Variants in PLEKHH3 observed in about 807,000 individuals in gnomAD.
PLEKHH3 encodes the protein pleckstrin homology domain-containing family H member 3.
A neutral mutation model predicts 77.8 loss-of-function variants in PLEKHH3; 57 were observed. The observed-to-expected ratio is 0.73, with a 90% CI of 0.59 to 0.91. The LOEUF (loss-of-function observed/expected upper bound fraction) is 0.91. Among genes scored for constraint, PLEKHH3 ranks in the 40% least tolerant of loss-of-function variants. PLEKHH3 has a pLI of 0.00. For missense variants in PLEKHH3, 1,082 were observed against 1,091.2 expected (o/e 0.99, Z 0.12); for synonymous variants, 467 against 504.8 (o/e 0.93, Z 1.00).
intron 9 of PLEKHH3, 42 bp downstream of exon 9, chr17:42,670,952 T>C: frequency 6.3e-7 from 1 of 1,590,246 alleles, no homozygotes; most frequent in Non-Finnish European, 8.6e-7. Context: ...AGCTGAGAAG[T>C]GGATGGGCTA....
rs1287786827 is a variant in PLEKHH3 at position 42,676,640 on chromosome 17, C to A, written c.-77G>T. 1.4e-6 allele frequency: 2 copies of A among 1,393,402 alleles called. No individual in the cohort carries two copies. The highest frequency in any genetic ancestry group is 9.8e-7 in the Non-Finnish European group (1 of 1,017,902). 86.3% of individuals were successfully genotyped at this position (1,393,402 alleles called of 1,614,324 possible). On this transcript the variant is annotated 5_prime_UTR_variant, in exon 1 of 13. Transcript: ENST00000591022. The surrounding 1 kb of genome is among the most constrained non-coding windows in gnomAD (Gnocchi z 6.6). ...GGGGTCGGAGGAACTGGCGGGGCTC[C>A]GACCCGAGCAGGGGAAAGATGAGGT...
In PLEKHH3 at chr17:42,670,976, C is replaced by A; in HGVS notation, c.1421+18G>T. 6.2e-7 allele frequency: 1 copy of A among 1,606,428 alleles called. No individual in the cohort carries two copies. The highest frequency in any genetic ancestry group is 8.5e-7 in the Non-Finnish European group (1 of 1,177,912). ...GTGGATGGGCTAATAGAGAGCAGGG[C>A]TGGGGCTGGACATTTACTTCTCAAA... is the stretch of plus-strand genomic sequence containing the variant. On this transcript the variant is annotated intron_variant, in intron 9 of 12. Transcript: ENST00000591022.
At chr17:42,674,492 C>A in intron 1 of PLEKHH3, 83 bp from the exon 2 acceptor site, 3 of 1,232,836 alleles carry the variant, frequency 2.4e-6, no homozygotes, top group South Asian at 3.3e-5. Flanking sequence ...GACAGGGCTG[C>A]TCAGGGGATT....
chr17:42,670,843 T>C (rs2052683382), intron 9 of PLEKHH3, 138 bp from the exon 10 acceptor site: 2 of 1,520,858 alleles, frequency 1.3e-6, no homozygotes, highest in East Asian at 2.3e-5. Context: ...GCAGTCGGAC[T>C]GCAAACCTGC....
In PLEKHH3 at chr17:42,671,739, G is replaced by A. The variant is rs1466449645; in HGVS notation, c.1077-181C>T. Among the ~76,000 whole-genome samples the A allele has an allele frequency of 6.6e-6, 1 of 152,126 alleles. No individual in the cohort carries two copies. The highest frequency in any genetic ancestry group is 1.5e-5 in the Non-Finnish European group (1 of 68,024). On this transcript the variant is annotated intron_variant, in intron 7 of 12. Transcript: ENST00000591022. The surrounding 1 kb of genome is among the most constrained non-coding windows in gnomAD (Gnocchi z 4.7). ...TGCATAGAGCTGAATTACTTTTCAA[G>A]TCCCCTGGCAGCTTTCTCCCAACTG... is the stretch of plus-strand genomic sequence containing the variant.
In PLEKHH3 at chr17:42,673,731, G is replaced by C. The variant is rs758578089; in HGVS notation, c.402C>G (p.Ser134Arg). Residue 134 changes from serine to arginine, a missense_variant, in exon 4 of 13, where the codon AGC becomes AGG. By Grantham distance (110) the Ser-to-Arg change is moderately radical. Transcript: ENST00000591022. ...LTRDSLDQFSSSGKGARRLGS... is the reference protein window; with the variant it reads ...LTRDSLDQFSRSGKGARRLGS... ...CGAGACGCCGCGCCCCTTTCCCGCT[G>C]CTGCTGAACTGATCCAGGGAGTCCC... The C allele has an allele frequency of 6.2e-7, 1 of 1,600,716 alleles. No individual in the cohort carries two copies. Among genetic ancestry groups the C allele is most frequent in the Non-Finnish European group, 8.5e-7 (1 of 1,179,782 alleles).
rs759368499 is a variant in PLEKHH3 at position 42,671,149 on chromosome 17, G to A, written c.1285-19C>T. 2 of 1,558,066 alleles carry A rather than the reference G, an allele frequency of 1.3e-6. No individual in the cohort carries two copies. The highest frequency in any genetic ancestry group is 4.0e-5 in the Admixed American group (2 of 50,308). ...GAGCCACCTAGAAGAGGAGGGTGAGGGGAGACCACTCAGAGGTCTTGCCAG... is the reference window on the plus strand; with the variant it reads ...GAGCCACCTAGAAGAGGAGGGTGAGAGGAGACCACTCAGAGGTCTTGCCAG... On this transcript the variant is annotated intron_variant, in intron 8 of 12. Transcript: ENST00000591022. This position sits in a 1 kb window ranked among gnomAD's most constrained non-coding sequence, Gnocchi z 4.7.
Position 42,670,181 on chromosome 17 carries a change from C to T in PLEKHH3, c.1750G>A (p.Ala584Thr), listed in dbSNP as rs2052657084. 1.7e-6 allele frequency: 2 copies of T among 1,190,896 alleles called. No individual in the cohort carries two copies. The highest frequency in any genetic ancestry group is 8.0e-5 in the South Asian group (2 of 24,980). 73.8% of individuals were successfully genotyped at this position (1,190,896 alleles called of 1,614,324 possible). A position where few individuals can be genotyped will look rare whatever the true frequency, so the allele number is the denominator to read the frequency against. ...CAGAGCGCCCCGGCCAGCAGGGCAG[C>T]GGAAGGGGGCGGCCTGGGGGTCGGG... ...PRPTPRPPPS[A>T]ALLAGALWSP... The change falls in exon 11 of 13, where the codon GCT becomes ACT. Residue 584 changes from alanine (A) to threonine (T), a missense_variant. Coordinates refer to ENST00000591022, the MANE Select transcript of PLEKHH3 (RefSeq NM_024927.5).
intron 11 of PLEKHH3, 72 bp from the exon 12 acceptor site, chr17:42,669,693 T>C (rs2052639827): frequency 6.6e-7 from 1 of 1,503,824 alleles, no homozygotes; most frequent in South Asian, 1.2e-5. Flanking sequence ...GAGATGGGTG[T>C]CTGTGAGCAG....
Position 42,673,665 on chromosome 17 carries a change from T to C in PLEKHH3, c.468A>G (p.Pro156=). 1 of 1,602,728 alleles carries C rather than the reference T, an allele frequency of 6.2e-7. No individual in the cohort carries two copies. The highest frequency in any genetic ancestry group is 8.5e-7 in the Non-Finnish European group (1 of 1,179,880). ...CACCTGTCTCCTTACGCCTGCGCTCTGGGCCGGTCACCGAGCACAGGCTGG... is the reference window on the plus strand; with the variant it reads ...CACCTGTCTCCTTACGCCTGCGCTCCGGGCCGGTCACCGAGCACAGGCTGG... ...VLTSLCSVTG[P]ERRRKETGLW... is the part of the protein sequence containing the mutation. The change falls in exon 4 of 13, where the codon CCA becomes CCG. Residue 156 remains proline (P), a synonymous_variant. Transcript: ENST00000591022.
Position 42,674,248 on chromosome 17 carries a change from A to G in PLEKHH3, c.218+106T>C, listed in dbSNP as rs1039518873. On this transcript the variant is annotated intron_variant, in intron 2 of 12. Transcript: ENST00000591022. ...CCCCAGCCAAACCACAGCGTCCGGC[A>G]TAGGGCCTCTCCCTTATTGCACAAC... The G allele has an allele frequency of 1.3e-5, 17 of 1,353,282 alleles. No homozygotes were observed. The African/African-American group carries it at 2.2e-4, about 17-fold the overall frequency. The allele number at this position is 1,353,282 out of a possible 1,614,324, so 83.8% of individuals were successfully genotyped here. A position where few individuals can be genotyped will look rare whatever the true frequency, so the allele number is the denominator to read the frequency against.
rs1413675073 is a variant in PLEKHH3, at chr17:42,670,657, C to T, written c.1470G>A (p.Trp490Ter). The change falls in exon 10 of 13, where the codon TGG becomes TGA. Residue 490 changes from tryptophan (W) to a stop codon, truncating the protein, a stop_gained. Coordinates refer to ENST00000591022, the MANE Select transcript of PLEKHH3 (RefSeq NM_024927.5). LOFTEE classifies it high-confidence loss of function. ...GTCCGTGAAGACGCAGACATAGTCT[C>T]CACCCGGAGTCGGGCGAGTCCTCCA... is the stretch of plus-strand genomic sequence containing the variant. Reference protein sequence around the residue: ...AGLEDSPDSGWRLCLRLHGPL... With the variant: ...AGLEDSPDSG The T allele has an allele frequency of 1.2e-6, 2 of 1,613,074 alleles. No individual in the cohort carries two copies. The highest frequency in any genetic ancestry group is 1.3e-5 in the African/African-American group (1 of 74,948).
intron 12 of PLEKHH3, chr17:42,668,890 C>G (rs1291008434): frequency 6.6e-6 from 1 of 152,448 alleles, no homozygotes; most frequent in Non-Finnish European, 1.5e-5. Flanking sequence ...CCTCGGCTCA[C>G]TGCAACCTCC....
At position 42,672,521 on chromosome 17, in the gene PLEKHH3, C is replaced by T. The variant is rs2052726733; in HGVS notation, c.770-129G>A. ...ATGGGGTGGCAGGGAGGGGAGGGTACGAACGACAGGAAGAGTGAAGGGAAA... is the reference window on the plus strand; with the variant it reads ...ATGGGGTGGCAGGGAGGGGAGGGTATGAACGACAGGAAGAGTGAAGGGAAA... On this transcript the variant is annotated intron_variant, in intron 6 of 12. Coordinates refer to ENST00000591022, the MANE Select transcript of PLEKHH3 (RefSeq NM_024927.5). 1.3e-5 allele frequency: 10 copies of T among 771,322 alleles called. No homozygotes were observed. The South Asian group carries it at 1.4e-4, about 10-fold the overall frequency. The allele number at this position is 771,322 out of a possible 1,614,324, so 47.8% of individuals were successfully genotyped here. A position where few individuals can be genotyped will look rare whatever the true frequency, so the allele number is the denominator to read the frequency against.
rs1442287860 is a variant in PLEKHH3, at chr17:42,676,609, C to A, written c.-46G>T. On this transcript the variant is annotated 5_prime_UTR_variant, in exon 1 of 13. Coordinates refer to ENST00000591022, the MANE Select transcript of PLEKHH3 (RefSeq NM_024927.5). The surrounding 1 kb of genome is among the most constrained non-coding windows in gnomAD (Gnocchi z 6.6). Reference sequence around the variant, plus strand: ...GGGGGCGCGGGCAGCCGCGGCCGAGCAGTAGGGGGTCGGAGGAACTGGCGG... The same window carrying A: ...GGGGGCGCGGGCAGCCGCGGCCGAGAAGTAGGGGGTCGGAGGAACTGGCGG... The A allele has an allele frequency of 3.9e-6, 6 of 1,532,378 alleles. No individual in the cohort carries two copies. The highest frequency in any genetic ancestry group is 5.3e-6 in the Non-Finnish European group (6 of 1,139,040). 94.9% of individuals were successfully genotyped at this position (1,532,378 alleles called of 1,614,324 possible).
At chr17:42,674,249 T>G in intron 2 of PLEKHH3, 105 bp downstream of exon 2, 1 of 1,354,572 alleles carries the variant, frequency 7.4e-7, no homozygotes, top group Non-Finnish European at 1.0e-6. Flanking sequence ...GCGTCCGGCA[T>G]AGGGCCTCTC....
At chr17:42,670,441 G>A in intron 10 of PLEKHH3, 65 bp from the exon 11 acceptor site, 2 of 1,463,210 alleles carry the variant, frequency 1.4e-6, no homozygotes, top group Non-Finnish European at 1.8e-6. Flanking sequence ...AACGCCTCGC[G>A]GAATCTGAGC....
At position 42,670,196 on chromosome 17, in the gene PLEKHH3, TG is replaced by T. The variant is rs1301117236; in HGVS notation, c.1734del (p.Arg579GlyfsTer91). 8.7e-7 allele frequency: 1 copy of T among 1,148,660 alleles called. No individual in the cohort carries two copies. Among genetic ancestry groups the T allele is most frequent in the Non-Finnish European group, 1.1e-6 (1 of 935,548 alleles). 71.2% of individuals were successfully genotyped at this position (1,148,660 alleles called of 1,614,324 possible). On this transcript the variant is annotated frameshift_variant, in exon 11 of 13. Coordinates refer to ENST00000591022, the MANE Select transcript of PLEKHH3 (RefSeq NM_024927.5). LOFTEE classifies it high-confidence loss of function. ...PPREDPPRPT[P>X]RPPPSAALLA... ...AGCAGGGCAGCGGAAGGGGGCGGCC[TG>T]GGGGTCGGGCGGGGCGGGTCTTCGC...
In PLEKHH3 at chr17:42,673,386, C is replaced by CT; in HGVS notation, c.648+12_648+13insA. 6.2e-7 allele frequency: 1 copy of CT among 1,613,072 alleles called. No homozygotes were observed. The highest frequency in any genetic ancestry group is 1.1e-5 in the South Asian group (1 of 91,026). On this transcript the variant is annotated intron_variant, in intron 5 of 12. Coordinates refer to ENST00000591022, the MANE Select transcript of PLEKHH3 (RefSeq NM_024927.5). ...TGGGGTCCACCACTCTCCTGGCTCT[C>CT]CCTGGTGTGTACCTGTATGTCCCTG...
Sources: gnomAD v4.1 joint callset for allele counts (sites outside exome capture counted in the v4.1 genomes callset) on GRCh38, gnomAD v4.1.1 for gene constraint, Gnocchi (gnomAD v3.1) non-coding constraint, MANE v1.5 for transcripts, NCBI Gene and HGNC (gene_info 2026-07-23, HGNC 2026-07-21) for gene names.